Variants in DRC3 observed in about 807,000 individuals in gnomAD.
DRC3 encodes the protein dynein regulatory complex subunit 3.
Under a neutral mutation model 57.6 loss-of-function variants are expected in DRC3, and 45 were observed. The ratio of observed to expected loss-of-function variants is 0.78; its 90% CI spans 0.62 to 1.00. The LOEUF (loss-of-function observed/expected upper bound fraction) is 1.00, where lower values mean the gene tolerates loss of function less well. Ranked by LOEUF, DRC3 falls within the 50% of genes least tolerant of loss-of-function variation. DRC3 has a pLI of 0.00. For synonymous variants in DRC3, 257 were observed against 272.3 expected (o/e 0.94, Z 0.55); for missense variants, 655 against 675.2 (o/e 0.97, Z 0.33).
intron 1 of DRC3, among the ~76,000 whole-genome samples, chr17:17,973,460 C>G (rs1048937891): frequency 6.6e-6 from 1 of 152,196 alleles, no homozygotes; most frequent in Non-Finnish European, 1.5e-5. Flanking sequence ...CTTTACCTCC[C>G]TGGAGCCTCA....
At chr17:17,998,628 G>C (rs751263265) in intron 9 of DRC3, among the ~76,000 whole-genome samples, 17 of 152,086 alleles carry the variant, frequency 1.1e-4, no homozygotes, top group Admixed American at 4.6e-4. Flanking sequence ...CCCTCGATGC[G>C]CAACTTCAGA....
rs2044382405 is a variant in DRC3 at position 18,016,819 on chromosome 17, A to G, written c.*148A>G. 9.8e-6 allele frequency: 5 copies of G among 508,126 alleles called. No homozygotes were observed. The highest frequency in any genetic ancestry group is 8.9e-5 in the South Asian group (3 of 33,534). The allele number at this position is 508,126 out of a possible 1,614,324, so 31.5% of individuals were successfully genotyped here. Reference sequence around the variant, plus strand: ...ACACCATTCTTCCCCCACCCCTGGAAAAACTTCCAAAAGTAGAGAAAATAA... The same window carrying G: ...ACACCATTCTTCCCCCACCCCTGGAGAAACTTCCAAAAGTAGAGAAAATAA... On this transcript the variant is annotated 3_prime_UTR_variant, in exon 14 of 14. Coordinates refer to ENST00000399187, the MANE Select transcript of DRC3 (RefSeq NM_031294.4).
chr17:18,001,723 C>T (rs2043740096), intron 9 of DRC3, among the ~76,000 whole-genome samples: 1 of 151,624 alleles, frequency 6.6e-6, no homozygotes, highest in African/African-American at 2.4e-5. Flanking sequence ...TTGAGCCCAG[C>T]AGTTTGAGAG....
intron 9 of DRC3, among the ~76,000 whole-genome samples, chr17:18,001,677 T>A (rs2043737169): frequency 6.6e-6 from 1 of 152,028 alleles, no homozygotes; most frequent in African/African-American, 2.4e-5. Flanking sequence ...ACAACTGTAA[T>A]CCCAGCACTT....
chr17:17,999,773 G>A (rs768214478), intron 9 of DRC3, among the ~76,000 whole-genome samples: 56 of 152,244 alleles, frequency 3.7e-4, no homozygotes, highest in Non-Finnish European at 7.3e-4. Flanking sequence ...ACTTGTGCAA[G>A]GCCTGGAGCA....
chr17:17,988,221 A>T lies in DRC3; in HGVS notation c.444+123A>T, dbSNP rs1009710347. ...TGTTCAGATCTTCTCATTTTCCTGG[A>T]AAAGCCAGGAATCTGGATTACTCCA... On this transcript the variant is annotated intron_variant, in intron 5 of 13. Transcript: ENST00000399187. 2.2e-5 allele frequency: 23 copies of T among 1,060,242 alleles called. No individual in the cohort carries two copies. The Admixed American group carries it at 2.7e-4, about 13-fold the overall frequency. 65.7% of individuals were successfully genotyped at this position (1,060,242 alleles called of 1,614,324 possible). A position where few individuals can be genotyped will look rare whatever the true frequency, so the allele number is the denominator to read the frequency against.
chr17:17,988,005 C>G lies in DRC3; in HGVS notation c.351C>G (p.Phe117Leu), dbSNP rs747217389. Residue 117 changes from phenylalanine (F) to leucine (L), a missense_variant, in exon 5 of 14, where the codon TTC becomes TTG. Transcript: ENST00000399187. ...TLVNLEDLSL[F>L]NNRISKIDSL... ...TGAACCTGGAGGACCTGAGCTTGTT[C>G]AACAACCGGATCTCCAAGATCGACT... 2 of 1,613,876 alleles carry G rather than the reference C, an allele frequency of 1.2e-6. No homozygotes were observed. The highest frequency in any genetic ancestry group is 2.7e-5 in the African/African-American group (2 of 74,910).
chr17:17,992,292 TAAATTTAA>T (rs887528281), intron 5 of DRC3, among the ~76,000 whole-genome samples: 2 of 152,184 alleles, frequency 1.3e-5, no homozygotes, highest in African/African-American at 4.8e-5. Context: ...AAAATTAAGT[TAAATTTAA>T]AAGATTTTTA....
rs745681161 is a variant in DRC3 at position 18,016,605 on chromosome 17, C to G, written c.1506C>G (p.Ile502Met). 11 of 1,613,726 alleles carry G rather than the reference C, an allele frequency of 6.8e-6. No homozygotes were observed. Among genetic ancestry groups the G allele is most frequent in the Admixed American group, 1.7e-5 (1 of 59,988 alleles). The change falls in exon 14 of 14, where the codon ATC (isoleucine) becomes ATG (methionine). Residue 502 changes from isoleucine (I) to methionine (M), a missense_variant. Coordinates refer to ENST00000399187, the MANE Select transcript of DRC3 (RefSeq NM_031294.4). ...IMRNRKRVKEINQYIDHMQSE... is the reference protein window; with the variant it reads ...IMRNRKRVKEMNQYIDHMQSE... Reference sequence around the variant, plus strand: ...GGAACCGCAAGCGCGTGAAGGAGATCAATCAGTACATCGACCACATGCAGA... The same window carrying G: ...GGAACCGCAAGCGCGTGAAGGAGATGAATCAGTACATCGACCACATGCAGA...
At chr17:17,979,508 G>A (rs1281834607) in intron 3 of DRC3, among the ~76,000 whole-genome samples, 1 of 152,240 alleles carries the variant, frequency 6.6e-6, no homozygotes, top group East Asian at 1.9e-4. Context: ...CAGATTTAGT[G>A]TCTTTGTTGA....
At chr17:17,976,907 C>T (rs2042414040) in intron 2 of DRC3, among the ~76,000 whole-genome samples, 2 of 151,848 alleles carry the variant, frequency 1.3e-5, no homozygotes, top group African/African-American at 2.4e-5. Flanking sequence ...TCTGCCTCCT[C>T]CCCCTCTTGC....
At chr17:18,009,309 T>C (rs946465188) in intron 12 of DRC3, among the ~76,000 whole-genome samples, 3 of 152,046 alleles carry the variant, frequency 2.0e-5, no homozygotes, top group Non-Finnish European at 4.4e-5. Flanking sequence ...CTTGGGAGAC[T>C]GAGGTTGGAG....
At chr17:18,011,656 G>A in intron 12 of DRC3, 1 of 202,546 alleles carries the variant, frequency 4.9e-6, no homozygotes. Context: ...GGGCAACTTT[G>A]CCAAGGCCAC....
Position 17,987,997 on chromosome 17 carries a change from A to T in DRC3, c.343A>T (p.Ser115Cys). ...LDTLVNLEDLSLFNNRISKID... is the reference protein window; with the variant it reads ...LDTLVNLEDLCLFNNRISKID... Reference sequence around the variant, plus strand: ...CACACTGGTGAACCTGGAGGACCTGAGCTTGTTCAACAACCGGATCTCCAA... The same window carrying T: ...CACACTGGTGAACCTGGAGGACCTGTGCTTGTTCAACAACCGGATCTCCAA... Residue 115 changes from serine to cysteine, a missense_variant, in exon 5 of 14, where the codon AGC (serine) becomes TGC (cysteine). Transcript: ENST00000399187. 6.2e-7 allele frequency: 1 copy of T among 1,613,968 alleles called. No individual in the cohort carries two copies. The highest frequency in any genetic ancestry group is 8.5e-7 in the Non-Finnish European group (1 of 1,179,886).
At chr17:17,988,451 G>T in intron 5 of DRC3, 2 of 254,988 alleles carry the variant, frequency 7.8e-6, no homozygotes, top group Admixed American at 5.0e-5. Flanking sequence ...TGGTCCCTTT[G>T]GAGTGACCAG....
chr17:18,016,558 A>T lies in DRC3; in HGVS notation c.1459A>T (p.Ile487Phe). 6 of 1,608,892 alleles carry T rather than the reference A, an allele frequency of 3.7e-6. No homozygotes were observed. The highest frequency in any genetic ancestry group is 5.1e-6 in the Non-Finnish European group (6 of 1,175,444). Reference sequence around the variant, plus strand: ...ATCGGGCTTTGGTTTCACTCCTCAGATTCACAAGGATGAGATCATGAGGAA... The same window carrying T: ...ATCGGGCTTTGGTTTCACTCCTCAGTTTCACAAGGATGAGATCATGAGGAA... ...NSWCTRLIDR[I>F]HKDEIMRNRK... The change falls in exon 14 of 14, where the codon ATT (isoleucine) becomes TTT (phenylalanine). Residue 487 changes from isoleucine to phenylalanine, a missense_variant and splice_region_variant. Coordinates refer to ENST00000399187, the MANE Select transcript of DRC3 (RefSeq NM_031294.4).
At chr17:18,006,941 A>G in intron 11 of DRC3, 83 bp from the exon 12 acceptor site, 2 of 1,571,412 alleles carry the variant, frequency 1.3e-6, no homozygotes, top group Non-Finnish European at 1.7e-6. Flanking sequence ...TTGGGCCCTT[A>G]AAGTCTGTCT....
chr17:18,013,858 T>A (rs572844892), intron 12 of DRC3, among the ~76,000 whole-genome samples: 2 of 152,300 alleles, frequency 1.3e-5, no homozygotes, highest in African/African-American at 4.8e-5. Context: ...CTGATCACTA[T>A]ACATGATAGG....
intron 3 of DRC3, among the ~76,000 whole-genome samples, chr17:17,980,741 T>C (rs11869491): frequency 0.42 from 63,771 of 151,592 alleles, 14,440 homozygotes; most frequent in South Asian, 0.71. Context: ...ACTACAGGTG[T>C]ACACCACCAC....
Sources: allele counts gnomAD v4.1 joint callset (sites outside exome capture counted in the v4.1 genomes callset), GRCh38; gene constraint gnomAD v4.1.1; transcripts MANE v1.5; gene names NCBI Gene and HGNC (gene_info 2026-07-23, HGNC 2026-07-21).